AGBL3: variants seen among roughly 807,000 people sequenced by gnomAD.
The protein encoded by AGBL3 is cytosolic carboxypeptidase 3.
AGBL3 carries 68 observed loss-of-function variants against 94.5 expected under a neutral mutation model. That is an observed-to-expected ratio of 0.72 (90% CI 0.59 to 0.88). The LOEUF (loss-of-function observed/expected upper bound fraction) is 0.88. Ranked by LOEUF, AGBL3 falls within the 40% of genes least tolerant of loss-of-function variation. The probability of loss-of-function intolerance (pLI) is 0.00; values close to 1 mark genes in which losing one functional copy is unlikely to be tolerated. For synonymous variants in AGBL3, 354 were observed against 370.7 expected (o/e 0.95, Z 0.52); for missense variants, 934 against 1,103.8 (o/e 0.85, Z 2.18).
chr7:135,034,130 T>C lies in AGBL3; in HGVS notation c.558-19T>C. ...TTACATTCTTACGTGCTTTTTTCCCTTTCTTTCTTGTGTATTAGGGCAGAA... is the reference window on the plus strand; with the variant it reads ...TTACATTCTTACGTGCTTTTTTCCCCTTCTTTCTTGTGTATTAGGGCAGAA... On this transcript the variant is annotated intron_variant, in intron 6 of 16. Coordinates refer to ENST00000436302, the MANE Select transcript of AGBL3 (RefSeq NM_178563.4). 1 of 1,392,934 alleles carries C rather than the reference T, an allele frequency of 7.2e-7. No homozygotes were observed. Among genetic ancestry groups the C allele is most frequent in the Non-Finnish European group, 9.4e-7 (1 of 1,065,332 alleles). 86.3% of individuals were successfully genotyped at this position (1,392,934 alleles called of 1,614,324 possible). A position where few individuals can be genotyped will look rare whatever the true frequency, so the allele number is the denominator to read the frequency against.
At position 135,059,207 on chromosome 7, in the gene AGBL3, T is replaced by C; in HGVS notation, c.1880T>C (p.Leu627Pro). The C allele has an allele frequency of 6.4e-7, 1 of 1,551,304 alleles. No homozygotes were observed. The highest frequency in any genetic ancestry group is 8.7e-7 in the Non-Finnish European group (1 of 1,146,758). The change falls in exon 12 of 17, where the codon CTG (leucine) becomes CCG (proline). Residue 627 changes from leucine (L) to proline (P), a missense_variant. Physicochemically the swap from Leu to Pro is moderately conservative, Grantham distance 98. This residue lies in a region of AGBL3 where 441 missense variants were observed against 518.2 expected (regional missense o/e 0.85). Coordinates refer to ENST00000436302, the MANE Select transcript of AGBL3 (RefSeq NM_178563.4). ...GSDSSESIDS[L>P]TYLLKLTSQK... is the part of the protein sequence containing the mutation. ...GACAGTTCAGAATCCATTGACTCTC[T>C]GACTTACCTTCTCAAGTTAACTTCT...
chr7:135,087,088 C>A (rs542200353), intron 15 of AGBL3, among the ~76,000 whole-genome samples: 10 of 151,980 alleles, frequency 6.6e-5, no homozygotes, highest in African/African-American at 2.4e-4. Flanking sequence ...TTGTATGTGT[C>A]TAGAAATTTA....
intron 3 of AGBL3, among the ~76,000 whole-genome samples, chr7:134,991,201 T>TGGG (rs58596813): frequency 0.032 from 2,552 of 80,246 alleles, 134 homozygotes; most frequent in African/African-American, 0.11. Flanking sequence ...TGTGTGTGGG[T>TGGG]GGGGGGGGGG....
At chr7:135,118,258 G>A (rs1048755916) in intron 16 of AGBL3, among the ~76,000 whole-genome samples, 47 of 152,002 alleles carry the variant, frequency 3.1e-4, no homozygotes, top group African/African-American at 1.0e-3. Flanking sequence ...TTCATGCTCA[G>A]GCCAATCCTC....
At chr7:135,010,426 A>G (rs1813002059) in intron 4 of AGBL3, 1 of 170,926 alleles carries the variant, frequency 5.9e-6, no homozygotes, top group Non-Finnish European at 1.3e-5. Flanking sequence ...TTCTATATCG[A>G]AGAAAACTAA....
intron 12 of AGBL3, among the ~76,000 whole-genome samples, chr7:135,071,023 CAA>C (rs559131768): frequency 6.6e-6 from 1 of 152,150 alleles, no homozygotes; most frequent in African/African-American, 2.4e-5. Flanking sequence ...GCAACTTCAG[CAA>C]AGTCTCAGGA....
Position 135,047,436 on chromosome 7 carries a change from C to T in AGBL3, c.1841+1525C>T, listed in dbSNP as rs148214723. Among the ~76,000 whole-genome samples the T allele has an allele frequency of 4.8e-4, 73 of 152,050 alleles. No individual in the cohort carries two copies. The East Asian group carries it at 0.013, about 26-fold the overall frequency. Reference sequence around the variant, plus strand: ...ATCATATGGCAGTTCTGTTTTTAGACTTTCTGAGGAACCTCTGTGCTGTTT... The same window carrying T: ...ATCATATGGCAGTTCTGTTTTTAGATTTTCTGAGGAACCTCTGTGCTGTTT... On this transcript the variant is annotated intron_variant, in intron 11 of 16. Coordinates refer to ENST00000436302, the MANE Select transcript of AGBL3 (RefSeq NM_178563.4).
At chr7:134,993,359 A>G (rs1269797307) in intron 3 of AGBL3, 134 bp from the exon 4 acceptor site, 23 of 708,992 alleles carry the variant, frequency 3.2e-5, no homozygotes, top group Non-Finnish European at 4.9e-5. Context: ...AAACAGTGCC[A>G]TGAATTATAA....
chr7:135,043,455 G>A (rs1817055941), intron 8 of AGBL3, among the ~76,000 whole-genome samples: 2 of 152,150 alleles, frequency 1.3e-5, no homozygotes, highest in Admixed American at 1.3e-4. Flanking sequence ...AGCTAGGAAA[G>A]GTAGTGGAGG....
intron 16 of AGBL3, among the ~76,000 whole-genome samples, chr7:135,117,531 T>C (rs1826495744): frequency 6.6e-6 from 1 of 152,228 alleles, no homozygotes; most frequent in South Asian, 2.1e-4. Flanking sequence ...ATTCTCACTT[T>C]ACCCTGAAAT....
At chr7:135,132,041 C>A (rs1458137619) in intron 16 of AGBL3, among the ~76,000 whole-genome samples, 1 of 151,940 alleles carries the variant, frequency 6.6e-6, no homozygotes, top group Non-Finnish European at 1.5e-5. Context: ...AATTTTAAAA[C>A]CCTAAAAAAG....
chr7:135,023,031 G>T, intron 5 of AGBL3, among the ~76,000 whole-genome samples: 1 of 151,706 alleles, frequency 6.6e-6, no homozygotes, highest in Non-Finnish European at 1.5e-5. Context: ...AGGTTTTTTT[G>T]TATGTATCTT....
intron 16 of AGBL3, chr7:135,128,758 A>G (rs1171717940): frequency 7.4e-7 from 1 of 1,351,442 alleles, no homozygotes; most frequent in Non-Finnish European, 1.0e-6. Flanking sequence ...CTCTCCCAAC[A>G]CAGAGCTAGA....
intron 16 of AGBL3, among the ~76,000 whole-genome samples, chr7:135,127,550 TAA>T (rs34308951): frequency 0.44 from 64,970 of 146,450 alleles, 14,692 homozygotes; most frequent in East Asian, 0.77. Flanking sequence ...AGTCTCCGTC[TAA>T]AAAAAAAAAA....
rs189972206 is a variant in AGBL3 at position 135,099,460 on chromosome 7, A to G, written c.2111-15920A>G. 3.0e-4 allele frequency among the ~76,000 whole-genome samples: 46 copies of G among 152,312 alleles called. 1 individual carries two copies. Among genetic ancestry groups the G allele is most frequent in the Admixed American group, 1.8e-3 (28 of 15,304 alleles). On this transcript the variant is annotated intron_variant, in intron 15 of 16. Coordinates refer to ENST00000436302, the MANE Select transcript of AGBL3 (RefSeq NM_178563.4). Reference sequence around the variant, plus strand: ...TATGAAGTAATTGTCAAGAAAGTTAAAAATTAAGTTTTATTGATTTTTAAG... The same window carrying G: ...TATGAAGTAATTGTCAAGAAAGTTAGAAATTAAGTTTTATTGATTTTTAAG...
intron 5 of AGBL3, among the ~76,000 whole-genome samples, chr7:135,024,069 C>G (rs184373164): frequency 6.6e-6 from 1 of 152,224 alleles, no homozygotes; most frequent in East Asian, 1.9e-4. Flanking sequence ...GACATGCAAG[C>G]TCATGGGCCA....
rs1411203239 is a variant in AGBL3, at chr7:135,020,576, T to G, written c.418+3417T>G. On this transcript the variant is annotated intron_variant, in intron 5 of 16. Coordinates refer to ENST00000436302, the MANE Select transcript of AGBL3 (RefSeq NM_178563.4). ...GTTACTGGGTATATACCCAAAGGATTGTAAGTCATGCTGTTATAAAGATAC... is the reference window on the plus strand; with the variant it reads ...GTTACTGGGTATATACCCAAAGGATGGTAAGTCATGCTGTTATAAAGATAC... Among the ~76,000 whole-genome samples the G allele has an allele frequency of 5.9e-5, 9 of 152,294 alleles. No individual in the cohort carries two copies. The East Asian group carries it at 1.5e-3, about 26-fold the overall frequency.
rs773023973 is a variant in AGBL3, at chr7:135,034,869, T to C, written c.1278T>C (p.Tyr426=). 1 of 1,550,744 alleles carries C rather than the reference T, an allele frequency of 6.4e-7. No individual in the cohort carries two copies. The highest frequency in any genetic ancestry group is 8.7e-7 in the Non-Finnish European group (1 of 1,146,480). ...CTGGACGGGATTTAAACCGTAATTATACATCTCTCCTGAAGGAATCTTTTC... is the reference window on the plus strand; with the variant it reads ...CTGGACGGGATTTAAACCGTAATTACACATCTCTCCTGAAGGAATCTTTTC... ...SLAGRDLNRN[Y]TSLLKESFPS... is the part of the protein sequence containing the mutation. The change falls in exon 7 of 17, where the codon TAT becomes TAC. Residue 426 remains tyrosine, a synonymous_variant. Transcript: ENST00000436302.
In AGBL3 at chr7:135,128,965, T is replaced by C. The variant is rs1447967898; in HGVS notation, c.2343-5876T>C. On this transcript the variant is annotated intron_variant, in intron 16 of 16. Transcript: ENST00000436302. ...TGTAAGAAGCTGGGTAGTGAATGCA[T>C]GTACTTCTTGGAGTGCAGGCATGTG... The C allele has an allele frequency of 4.4e-6, 7 of 1,583,670 alleles. No homozygotes were observed. The African/African-American group carries it at 8.1e-5, about 18-fold the overall frequency.
Sources: allele counts gnomAD v4.1 joint callset (sites outside exome capture counted in the v4.1 genomes callset), GRCh38; gene constraint gnomAD v4.1.1; regional missense constraint gnomAD v4.1.1; transcripts MANE v1.5; gene names NCBI Gene and HGNC (gene_info 2026-07-23, HGNC 2026-07-21).